ZFHX3: variants seen among roughly 807,000 people sequenced by gnomAD.
ZFHX3 encodes zinc finger homeobox 3.
A neutral mutation model predicts 279.1 loss-of-function variants in ZFHX3; 42 were observed. That is an observed-to-expected ratio of 0.15 (90% CI 0.12 to 0.19). The LOEUF (loss-of-function observed/expected upper bound fraction) is 0.19, where lower values mean the gene tolerates loss of function less well. Among genes scored for constraint, ZFHX3 ranks in the 10% least tolerant of loss-of-function variants. ZFHX3 has a pLI of 1.00. For missense variants in ZFHX3, 4,981 were observed against 4,754.0 expected (o/e 1.05, Z -1.40); for synonymous variants, 2,293 against 1,957.8 (o/e 1.17, Z -4.52).
At chr16:73,885,985 A>C (rs2030333290) in intron 1 of ZFHX3, among the ~76,000 whole-genome samples, 1 of 152,158 alleles carries the variant, frequency 6.6e-6, no homozygotes, top group Non-Finnish European at 1.5e-5. Flanking sequence ...TTCCATCCAT[A>C]TGCCTGTATA....
chr16:72,980,821 T>C (rs1962563378), intron 1 of ZFHX3, among the ~76,000 whole-genome samples: 1 of 152,220 alleles, frequency 6.6e-6, no homozygotes, highest in Non-Finnish European at 1.5e-5. Context: ...CAGCATGATA[T>C]CGTTGGCTTC....
At chr16:73,602,038 A>G (rs1268640651) in intron 2 of ZFHX3, among the ~76,000 whole-genome samples, 1 of 152,168 alleles carries the variant, frequency 6.6e-6, no homozygotes, top group African/African-American at 2.4e-5. Flanking sequence ...AGGCTGGAGC[A>G]GGACGATTGC....
chr16:73,407,227 G>C (rs1242514853), intron 3 of ZFHX3, among the ~76,000 whole-genome samples: 1 of 152,204 alleles, frequency 6.6e-6, no homozygotes, highest in Non-Finnish European at 1.5e-5. Context: ...CAGTCGTGCA[G>C]AGGTTAGAAG....
Position 72,814,625 on chromosome 16 carries a change from T to C in ZFHX3, c.3530-2587A>G, listed in dbSNP as rs77600494. 8.0e-5 allele frequency among the ~76,000 whole-genome samples: 11 copies of C among 138,278 alleles called. No individual in the cohort carries two copies. In the East Asian group the frequency reaches 8.6e-4, roughly 11 times the overall value. The allele number at this position is 138,278 out of a possible 152,430, so 90.7% of individuals were successfully genotyped here. On this transcript the variant is annotated intron_variant, in intron 5 of 9. Transcript: ENST00000268489. ...GGGGAACTTCTTTTTTTTTTTTTTT[T>C]CCAAACTCAAACTGCTCTGGAATTC...
At chr16:73,449,394 G>T (rs1034992152) in intron 3 of ZFHX3, among the ~76,000 whole-genome samples, 1 of 152,168 alleles carries the variant, frequency 6.6e-6, no homozygotes, top group African/African-American at 2.4e-5. Context: ...GGGCATAGTG[G>T]TTTGTGGCTG....
Position 72,788,373 on chromosome 16 carries a change from T to G in ZFHX3, c.9903A>C (p.Ala3301=). ...AAGGAAGGAACTGGCTTGTGAGCAA[T>G]GCTGTGGGGTCCGAAGTCAACGCGG... The part of the protein sequence containing the change: ...LQAALTSDPT[A]LLTSQFLPYF... The change falls in exon 10 of 10, where the codon GCA becomes GCC. Residue 3301 remains alanine (A), a synonymous_variant. Transcript: ENST00000268489. 2 of 1,614,112 alleles carry G rather than the reference T, an allele frequency of 1.2e-6. No individual in the cohort carries two copies. Among genetic ancestry groups the G allele is most frequent in the Non-Finnish European group, 1.7e-6 (2 of 1,180,018 alleles).
chr16:73,040,963 T>TGATGGCCTCAGCA (rs1465258230), intron 1 of ZFHX3, among the ~76,000 whole-genome samples: 1 of 152,186 alleles, frequency 6.6e-6, no homozygotes, highest in Non-Finnish European at 1.5e-5. Context: ...GGTGTAACAC[T>TGATGGCCTCAGCA]GATGGCCTCA....
intron 3 of ZFHX3, among the ~76,000 whole-genome samples, chr16:73,448,303 T>C (rs561770945): frequency 6.6e-6 from 1 of 152,354 alleles, no homozygotes; most frequent in South Asian, 2.1e-4. Context: ...AACTATCTTT[T>C]TTAGTACTAT....
chr16:73,554,226 TAAAAATAA>T (rs1047619489), intron 2 of ZFHX3: 2 of 152,158 alleles, frequency 1.3e-5, no homozygotes, highest in African/African-American at 4.8e-5. Context: ...TAAAGCAAAG[TAAAAATAA>T]AAAGATAGAA....
At chr16:73,867,232 T>G (rs1022758098) in intron 1 of ZFHX3, among the ~76,000 whole-genome samples, 1 of 152,170 alleles carries the variant, frequency 6.6e-6, no homozygotes, top group African/African-American at 2.4e-5. Context: ...ATGCTTTGCG[T>G]GAGCTATCTC....
At chr16:73,316,317 G>T (rs981050755) in intron 4 of ZFHX3, among the ~76,000 whole-genome samples, 2 of 152,182 alleles carry the variant, frequency 1.3e-5, no homozygotes, top group Non-Finnish European at 2.9e-5. Flanking sequence ...ACGAGGCTTT[G>T]TTTCCAGGCA....
intron 2 of ZFHX3, among the ~76,000 whole-genome samples, chr16:73,467,391 C>T (rs1424056179): frequency 1.3e-5 from 2 of 152,224 alleles, no homozygotes; most frequent in Admixed American, 1.3e-4. Context: ...CTTGGCTCCA[C>T]AGCTCCTGCT....
chr16:73,577,008 T>G (rs911603794), intron 2 of ZFHX3, among the ~76,000 whole-genome samples: 9 of 152,214 alleles, frequency 5.9e-5, no homozygotes, highest in African/African-American at 2.2e-4. Flanking sequence ...GTTTGCACCT[T>G]GAGACACTTT....
At chr16:73,742,604 A>G (rs764179204) in intron 1 of ZFHX3, among the ~76,000 whole-genome samples, 2 of 152,228 alleles carry the variant, frequency 1.3e-5, no homozygotes, top group African/African-American at 2.4e-5. Flanking sequence ...AACCTGGTTC[A>G]TATCCATTTA....
chr16:73,105,038 C>G (rs1966277988), intron 7 of ZFHX3, among the ~76,000 whole-genome samples: 1 of 152,028 alleles, frequency 6.6e-6, no homozygotes, highest in South Asian at 2.1e-4. Flanking sequence ...GCCACTGCAG[C>G]CATCACTCAC....
intron 5 of ZFHX3, among the ~76,000 whole-genome samples, chr16:73,207,990 T>C (rs1379844881): frequency 6.6e-6 from 1 of 152,172 alleles, no homozygotes; most frequent in African/African-American, 2.4e-5. Context: ...GTCATTTTCC[T>C]CCAGAACATT....
chr16:73,028,444 G>A (rs955820042), intron 1 of ZFHX3, among the ~76,000 whole-genome samples: 10 of 152,130 alleles, frequency 6.6e-5, no homozygotes, highest in Admixed American at 6.5e-4. Flanking sequence ...TCCAGAGCCC[G>A]GGGCAGTGTG....
Position 73,343,287 on chromosome 16 carries a change from C to T in ZFHX3, c.-1290-24951G>A, listed in dbSNP as rs192420764. Among the ~76,000 whole-genome samples, 27 of 151,546 alleles carry T rather than the reference C, an allele frequency of 1.8e-4. No individual in the cohort carries two copies. In the East Asian group the frequency reaches 5.0e-3, roughly 28 times the overall value. On this transcript the variant is annotated intron_variant, in intron 3 of 17. Coordinates refer to the ZFHX3 transcript ENST00000641206. ...AAAGAGTCTTGAATTAATGATATCC[C>T]AGTAGCCCTGATGCTCAGATCTTTC...
In ZFHX3 at chr16:73,266,947, T is replaced by TA. The variant is rs557934677; in HGVS notation, c.-1193-9812dup. ...TGTCTTTATCAGCAGCATGAAAACATACCAATACACTTGGGTACTGCAAGG... is the reference window on the plus strand; with the variant it reads ...TGTCTTTATCAGCAGCATGAAAACATAACCAATACACTTGGGTACTGCAAGG... On this transcript the variant is annotated intron_variant, in intron 4 of 17. Transcript: ENST00000641206. 9.7e-4 allele frequency among the ~76,000 whole-genome samples: 148 copies of TA among 152,222 alleles called. 1 individual carries two copies. Among genetic ancestry groups the TA allele is most frequent in the Non-Finnish European group, 1.9e-3 (130 of 68,036 alleles).
Sources: gnomAD v4.1 joint callset for allele counts (sites outside exome capture counted in the v4.1 genomes callset) on GRCh38, gnomAD v4.1.1 for gene constraint, MANE v1.5 for transcripts, NCBI Gene and HGNC (gene_info 2026-07-23, HGNC 2026-07-21) for gene names.